The following LANCL1 variants were observed in gnomAD, a reference collection of about 807,000 sequenced individuals.
LANCL1 encodes glutathione S-transferase LANCL1.
In LANCL1, 50 loss-of-function variants were observed where a neutral mutation model predicts 50.6. The ratio of observed to expected loss-of-function variants is 0.99; its 90% CI spans 0.79 to 1.25. LANCL1 has a LOEUF of 1.25. Ranked by LOEUF, LANCL1 falls within the 50% of genes most tolerant of loss-of-function variation. The pLI, the probability that LANCL1 is intolerant of heterozygous loss-of-function variation, is 0.00. For synonymous variants in LANCL1, 188 were observed against 178.6 expected, an observed-to-expected ratio of 1.05 and a Z score of -0.42; for missense variants, 532 against 480.7, an observed-to-expected ratio of 1.11 and a Z score of -1.00.
chr2:210,455,324 A>AAAT lies in LANCL1; in HGVS notation c.200-11_200-10insATT. ...TAAAGCACAGCAATACCTGAAAAAA[A>AAAT]AAAAAGGAAACAATGTAAAGATGAG... On this transcript the variant is annotated splice_polypyrimidine_tract_variant and intron_variant, in intron 3 of 9. Coordinates refer to ENST00000450366, the MANE Select transcript of LANCL1 (RefSeq NM_006055.3). 6.3e-7 allele frequency: 1 copy of AAAT among 1,596,204 alleles called. No homozygotes were observed. Among genetic ancestry groups the AAAT allele is most frequent in the East Asian group, 2.2e-5 (1 of 44,810 alleles).
At chr2:210,441,533 G>C (rs1438252009) in intron 4 of LANCL1, 90 bp from the exon 5 acceptor site, 2 of 1,029,812 alleles carry the variant, frequency 1.9e-6, no homozygotes, top group African/African-American at 1.6e-5. Context: ...AAATATACAT[G>C]CACACAAAAT....
In LANCL1 at chr2:210,462,139, G is replaced by A. The variant is rs1480727052; in HGVS notation, c.200-6825C>T. Among the ~76,000 whole-genome samples the A allele has an allele frequency of 3.3e-5, 5 of 152,248 alleles. No individual in the cohort carries two copies. In the East Asian group the frequency reaches 5.8e-4, roughly 18 times the overall value. ...TTACGTTCTCTGGTGAGACCCCAGT[G>A]ATCTCTGGACACCACTGGGAACCAC... On this transcript the variant is annotated intron_variant, in intron 3 of 9. Transcript: ENST00000450366.
At chr2:210,459,488 A>G (rs1004324214) in intron 3 of LANCL1, among the ~76,000 whole-genome samples, 2 of 152,202 alleles carry the variant, frequency 1.3e-5, no homozygotes, top group Non-Finnish European at 2.9e-5. Flanking sequence ...TAAGTTAATT[A>G]AAAGTAAACA....
intron 3 of LANCL1, among the ~76,000 whole-genome samples, chr2:210,460,302 G>C (rs1002403098): frequency 6.6e-6 from 1 of 152,088 alleles, no homozygotes; most frequent in African/African-American, 2.4e-5. Flanking sequence ...TCAGATTTTA[G>C]ATCTACAAGG....
At chr2:210,463,819 C>T (rs370005641) in intron 3 of LANCL1, among the ~76,000 whole-genome samples, 161 of 152,214 alleles carry the variant, frequency 1.1e-3, no homozygotes, top group African/African-American at 3.7e-3. Context: ...TTCTTTCCCA[C>T]GGTCAGGGCA....
chr2:210,473,886 T>C (rs1182011787), intron 2 of LANCL1, among the ~76,000 whole-genome samples: 2 of 152,224 alleles, frequency 1.3e-5, no homozygotes, highest in Non-Finnish European at 2.9e-5. Context: ...TAGGATAAAA[T>C]ATACTTCAAT....
chr2:210,455,274 C>A lies in LANCL1; in HGVS notation c.240G>T (p.Gly80=). ...GTGCTAACTGTAGGTAGGCAGGGTC[C>A]CCAAATACATCATAAAGATGTAAGT... ...VLYLHLYDVF[G]DPAYLQLAHG... Residue 80 remains glycine, a synonymous_variant, in exon 4 of 10, where the codon GGG becomes GGT. Coordinates refer to ENST00000450366, the MANE Select transcript of LANCL1 (RefSeq NM_006055.3). The A allele has an allele frequency of 1.2e-6, 2 of 1,608,868 alleles. No homozygotes were observed. The highest frequency in any genetic ancestry group is 1.1e-5 in the South Asian group (1 of 90,922).
chr2:210,466,691 T>C (rs1327149793), intron 3 of LANCL1, among the ~76,000 whole-genome samples: 1 of 152,204 alleles, frequency 6.6e-6, no homozygotes, highest in Non-Finnish European at 1.5e-5. Flanking sequence ...CCTCCTCCTT[T>C]GATTTTTCAG....
At chr2:210,477,110 G>C (rs1177917367), upstream of LANCL1, among the ~76,000 whole-genome samples, 1 of 151,860 alleles carries the variant, frequency 6.6e-6, no homozygotes, top group Non-Finnish European at 1.5e-5. Context: ...GGGGGATAAT[G>C]TCTCTCCAGG....
At position 210,476,359 on chromosome 2, in the gene LANCL1, T is replaced by A. The variant is rs775766455; in HGVS notation, c.38A>T (p.Tyr13Phe). ...QRAFPNPYAD[Y>F]NKSLAEGYFD... The stretch of plus-strand genomic sequence containing the variant: ...GTAGCCTTCGGCCAGGGATTTGTTA[T>A]AATCAGCATAAGGATTCGGGAAGGC... Residue 13 changes from tyrosine to phenylalanine, a missense_variant, in exon 2 of 10, where the codon TAT becomes TTT. Physicochemically the swap from Tyr to Phe is conservative, Grantham distance 22. Transcript: ENST00000450366. 12 of 1,614,126 alleles carry A rather than the reference T, an allele frequency of 7.4e-6. No homozygotes were observed. Among genetic ancestry groups the A allele is most frequent in the Non-Finnish European group, 9.3e-6 (11 of 1,180,012 alleles).
At chr2:210,444,127 G>A (rs1180796721) in intron 4 of LANCL1, among the ~76,000 whole-genome samples, 2 of 152,170 alleles carry the variant, frequency 1.3e-5, no homozygotes, top group African/African-American at 4.8e-5. Flanking sequence ...ATACTCAGAA[G>A]GTAGGGGTAG....
intron 3 of LANCL1, among the ~76,000 whole-genome samples, chr2:210,469,923 G>A (rs3856341): frequency 0.87 from 131,456 of 151,790 alleles, 57,049 homozygotes; most frequent in East Asian, 1. Flanking sequence ...GGCCAATTTA[G>A]AAGTTTAAGT....
intron 4 of LANCL1, among the ~76,000 whole-genome samples, chr2:210,444,721 A>G (rs773380419): frequency 6.6e-6 from 1 of 152,172 alleles, no homozygotes; most frequent in Non-Finnish European, 1.5e-5. Flanking sequence ...ATAACCAAGA[A>G]ACTTGGCTAG....
chr2:210,464,064 TTTC>T (rs1693961042), intron 3 of LANCL1, among the ~76,000 whole-genome samples: 1 of 152,234 alleles, frequency 6.6e-6, no homozygotes, highest in African/African-American at 2.4e-5. Flanking sequence ...TGTAAAGTAC[TTTC>T]TTAAGCAATT....
intron 6 of LANCL1, among the ~76,000 whole-genome samples, chr2:210,439,944 G>A (rs1459675168): frequency 1.3e-5 from 2 of 152,102 alleles, no homozygotes; most frequent in African/African-American, 2.4e-5. Context: ...TCTCCTTAAG[G>A]AGAGCTTCGT....
intron 4 of LANCL1, 35 bp downstream of exon 4, chr2:210,455,072 G>A: frequency 6.5e-7 from 1 of 1,543,278 alleles, no homozygotes; most frequent in Non-Finnish European, 8.9e-7. Context: ...GCATAATGAT[G>A]CTAGAAAATA....
rs1270823452 is a variant in LANCL1 at position 210,441,335 on chromosome 2, T to G, written c.516A>C (p.Glu172Asp). Residue 172 changes from glutamate to aspartate, a missense_variant, in exon 5 of 10, where the codon GAA becomes GAC. Transcript: ENST00000450366. ...GCTGAATATGGCTTTGAGGAATCTT[T>G]TCCACTCCAAAGTTCTTATTGACAA... ...LLFVNKNFGV[E>D]KIPQSHIQQI... The G allele has an allele frequency of 1.9e-6, 3 of 1,612,928 alleles. No individual in the cohort carries two copies. The Admixed American group carries it at 5.0e-5, about 27-fold the overall frequency.
In LANCL1 at chr2:210,433,132, A is replaced by G. The variant is rs1006823282; in HGVS notation, c.*1355T>C. Reference sequence around the variant, plus strand: ...TAAAATACTTAGACCCTGTTATTTTAAAGCTACAATTTTTTTTTGCAAAAT... The same window carrying G: ...TAAAATACTTAGACCCTGTTATTTTGAAGCTACAATTTTTTTTTGCAAAAT... On this transcript the variant is annotated 3_prime_UTR_variant, in exon 10 of 10. Coordinates refer to ENST00000450366, the MANE Select transcript of LANCL1 (RefSeq NM_006055.3). 6.6e-6 allele frequency: 1 copy of G among 152,608 alleles called. No individual in the cohort carries two copies. Among genetic ancestry groups the G allele is most frequent in the Non-Finnish European group, 1.5e-5 (1 of 68,018 alleles). 9.5% of individuals were successfully genotyped at this position (152,608 alleles called of 1,614,324 possible). A position where few individuals can be genotyped will look rare whatever the true frequency, so the allele number is the denominator to read the frequency against.
At position 210,431,939 on chromosome 2, in the gene LANCL1, A is replaced by G. The variant is rs767371687; in HGVS notation, c.*2548T>C. 7.9e-5 allele frequency: 12 copies of G among 152,206 alleles called. No homozygotes were observed. The highest frequency in any genetic ancestry group is 2.0e-4 in the Admixed American group (3 of 15,284). 9.4% of individuals were successfully genotyped at this position (152,206 alleles called of 1,614,324 possible). On this transcript the variant is annotated 3_prime_UTR_variant, in exon 10 of 10. Coordinates refer to ENST00000450366, the MANE Select transcript of LANCL1 (RefSeq NM_006055.3). ...GAAACATGTGACAGGATAAATGAAC[A>G]CTGCTTGATGACCTTTGACAACCTT...
Sources: allele counts gnomAD v4.1 joint callset (sites outside exome capture counted in the v4.1 genomes callset), GRCh38; gene constraint gnomAD v4.1.1; transcripts MANE v1.5; gene names NCBI Gene and HGNC (gene_info 2026-07-23, HGNC 2026-07-21).